The following TUSC3 variants were observed in gnomAD, a reference collection of about 807,000 sequenced individuals.
TUSC3 encodes the protein dolichyl-diphosphooligosaccharide--protein glycosyltransferase subunit TUSC3.
In TUSC3, 45 loss-of-function variants were observed where a neutral mutation model predicts 44.8. That is an observed-to-expected ratio of 1.00 (90% CI 0.79 to 1.29). The LOEUF (loss-of-function observed/expected upper bound fraction) is 1.29, where lower values mean the gene tolerates loss of function less well. Ranked by LOEUF, TUSC3 falls within the 50% of genes most tolerant of loss-of-function variation. TUSC3 has a pLI of 0.00. For synonymous variants in TUSC3, 212 were observed against 152.9 expected, an observed-to-expected ratio of 1.39 and a Z score of -2.85; for missense variants, 519 against 437.9, an observed-to-expected ratio of 1.19 and a Z score of -1.65.
Position 15,758,009 on chromosome 8 carries a change from T to G in TUSC3, c.*46+154T>G, listed in dbSNP as rs1276137837. ...GAGATTCCATATTCCAGTCTTACAT[T>G]ATTATGTTTATCTGCCACAGGGAGA... On this transcript the variant is annotated intron_variant, in intron 10 of 10. Transcript: ENST00000503731. 7 of 1,433,886 alleles carry G rather than the reference T, an allele frequency of 4.9e-6. No homozygotes were observed. The East Asian group carries it at 1.8e-4, about 36-fold the overall frequency. The allele number at this position is 1,433,886 out of a possible 1,614,324, so 88.8% of individuals were successfully genotyped here. A position where few individuals can be genotyped will look rare whatever the true frequency, so the allele number is the denominator to read the frequency against.
chr8:15,601,635 TTATA>T (rs1335305055), intron 1 of TUSC3, among the ~76,000 whole-genome samples: 1 of 151,766 alleles, frequency 6.6e-6, no homozygotes, highest in Non-Finnish European at 1.5e-5. Context: ...TATTACCTAT[TTATA>T]AAATCTATTC....
intron 1 of TUSC3, among the ~76,000 whole-genome samples, chr8:15,467,278 A>C (rs905522942): frequency 2.9e-5 from 2 of 70,090 alleles, no homozygotes; most frequent in Non-Finnish European, 5.7e-5. Flanking sequence ...TTCTTTAGCC[A>C]AAAAAAAAAA....
At chr8:15,537,395 C>T (rs181661544), upstream of TUSC3, among the ~76,000 whole-genome samples, 9 of 152,270 alleles carry the variant, frequency 5.9e-5, no homozygotes, top group East Asian at 1.7e-3. Context: ...TCATGCCTCT[C>T]TAAAATATAT....
At chr8:15,587,370 G>A (rs910309276) in intron 1 of TUSC3, among the ~76,000 whole-genome samples, 3 of 151,970 alleles carry the variant, frequency 2.0e-5, no homozygotes, top group African/African-American at 4.8e-5. Context: ...TTTTGTTACT[G>A]CTTCTGTCTT....
the TUSC3 span, among the ~76,000 whole-genome samples, chr8:15,836,668 T>C: frequency 6.6e-6 from 1 of 152,162 alleles, no homozygotes; most frequent in Non-Finnish European, 1.5e-5. Context: ...TATTAATCTA[T>C]CTATCTTCCT....
At position 15,625,785 on chromosome 8, in the gene TUSC3, C is replaced by T. The variant is rs73526616; in HGVS notation, c.308+2536C>T. Among the ~76,000 whole-genome samples, 251 of 152,220 alleles carry T rather than the reference C, an allele frequency of 1.6e-3. 1 individual carries two copies. Among genetic ancestry groups the T allele is most frequent in the African/African-American group, 5.7e-3 (237 of 41,540 alleles). On this transcript the variant is annotated intron_variant, in intron 2 of 10. Coordinates refer to ENST00000503731, the MANE Select transcript of TUSC3 (RefSeq NM_006765.4). Reference sequence around the variant, plus strand: ...ATTTCTAAGAAGCATCTTATCACAACCTAATAATGAGTGTATGTTGGGGCA... The same window carrying T: ...ATTTCTAAGAAGCATCTTATCACAATCTAATAATGAGTGTATGTTGGGGCA...
intron 1 of TUSC3, among the ~76,000 whole-genome samples, chr8:15,454,384 C>T (rs1019194420): frequency 2.0e-5 from 3 of 152,186 alleles, no homozygotes; most frequent in African/African-American, 7.2e-5. Flanking sequence ...ATCGAGGTTG[C>T]TGCAGAAGTG....
chr8:15,505,923 T>A (rs1801045583), intron 2 of TUSC3, among the ~76,000 whole-genome samples: 1 of 152,318 alleles, frequency 6.6e-6, no homozygotes, highest in South Asian at 2.1e-4. Flanking sequence ...AATCTGGTCA[T>A]ACAAACATAC....
At chr8:15,736,916 A>G (rs1225818792) in intron 7 of TUSC3, among the ~76,000 whole-genome samples, 1 of 152,182 alleles carries the variant, frequency 6.6e-6, no homozygotes, top group Non-Finnish European at 1.5e-5. Context: ...TCAACTATAT[A>G]ATCTCTGACC....
Position 15,725,948 on chromosome 8 carries a change from T to C in TUSC3, c.799-4718T>C, listed in dbSNP as rs146802456. On this transcript the variant is annotated intron_variant, in intron 6 of 10. Transcript: ENST00000503731. ...ACTACTTCATTAAATTGAATGGCTA[T>C]TATTAACACTGGAAACTGACTTCTA... Among the ~76,000 whole-genome samples the C allele has an allele frequency of 2.5e-3, 377 of 152,296 alleles. 5 individuals carry two copies. Among genetic ancestry groups the C allele is most frequent in the East Asian group, 0.019 (99 of 5,166 alleles).
intron 3 of TUSC3, among the ~76,000 whole-genome samples, chr8:15,656,898 G>C (rs1807197335): frequency 6.6e-6 from 1 of 152,188 alleles, no homozygotes. Flanking sequence ...ATGCTGCCAA[G>C]GCTCATGGCT....
chr8:15,798,258 G>T, the TUSC3 span, among the ~76,000 whole-genome samples: 1 of 152,094 alleles, frequency 6.6e-6, no homozygotes, highest in Non-Finnish European at 1.5e-5. Flanking sequence ...CCTTCTTTTC[G>T]CACAGTGAAC....
At chr8:15,588,894 A>G (rs73193363) in intron 1 of TUSC3, among the ~76,000 whole-genome samples, 2,895 of 152,152 alleles carry the variant, frequency 0.019, 50 homozygotes, top group Non-Finnish European at 0.031. Context: ...TGGATTGTCT[A>G]TTCTGTTCCA....
chr8:15,581,916 C>T (rs540611797), intron 1 of TUSC3, among the ~76,000 whole-genome samples: 1,648 of 145,404 alleles, frequency 0.011, 34 homozygotes, highest in African/African-American at 0.041. Context: ...GCCTCGCTGC[C>T]GCCTTGCAGT....
intron 1 of TUSC3, among the ~76,000 whole-genome samples, chr8:15,469,308 TC>T (rs1287247213): frequency 6.6e-6 from 1 of 152,120 alleles, no homozygotes; most frequent in East Asian, 1.9e-4. Flanking sequence ...CTCTTTAATT[TC>T]AACAATAAGA....
intron 1 of TUSC3, among the ~76,000 whole-genome samples, chr8:15,611,945 G>T (rs1804780428): frequency 6.6e-6 from 1 of 152,172 alleles, no homozygotes; most frequent in African/African-American, 2.4e-5. Context: ...CTCATGTTTG[G>T]TTTATCGTTG....
chr8:15,447,762 A>G (rs189500947), intron 1 of TUSC3, among the ~76,000 whole-genome samples: 8 of 151,906 alleles, frequency 5.3e-5, no homozygotes, highest in Admixed American at 2.6e-4. Context: ...TCTGTAGGAA[A>G]TCAAGTGTAC....
the TUSC3 span, among the ~76,000 whole-genome samples, chr8:15,812,331 G>A: frequency 1.3e-5 from 2 of 152,268 alleles, no homozygotes; most frequent in Admixed American, 6.5e-5. Context: ...GTCTGTGTAC[G>A]TTCTAACTAT....
chr8:15,514,479 C>A (rs963177435), intron 2 of TUSC3, among the ~76,000 whole-genome samples: 2 of 152,176 alleles, frequency 1.3e-5, no homozygotes, highest in African/African-American at 2.4e-5. Context: ...AGTATAAAAA[C>A]CAAAAATAGA....
Sources: gnomAD v4.1 joint callset for allele counts (sites outside exome capture counted in the v4.1 genomes callset) on GRCh38, gnomAD v4.1.1 for gene constraint, MANE v1.5 for transcripts, NCBI Gene and HGNC (gene_info 2026-07-23, HGNC 2026-07-21) for gene names.